EPHB1: variants seen among roughly 807,000 people sequenced by gnomAD.
The protein encoded by EPHB1 is EPH receptor B1.
Under a neutral mutation model 94.4 loss-of-function variants are expected in EPHB1, and 30 were observed. That is an observed-to-expected ratio of 0.32 (90% CI 0.24 to 0.43). EPHB1 has a LOEUF of 0.43. Ranked by LOEUF, EPHB1 falls within the 20% of genes least tolerant of loss-of-function variation. The pLI, the probability that EPHB1 is intolerant of heterozygous loss-of-function variation, is 1.00. For synonymous variants in EPHB1, 522 were observed against 489.1 expected, an observed-to-expected ratio of 1.07 and a Z score of -0.89; for missense variants, 1,055 against 1,308.3, an observed-to-expected ratio of 0.81 and a Z score of 2.99.
chr3:134,998,468 G>A (rs1576304494), intron 3 of EPHB1, among the ~76,000 whole-genome samples: 1 of 152,164 alleles, frequency 6.6e-6, no homozygotes. Context: ...CTCTGTTTTA[G>A]GCAGTAGAGT....
At chr3:135,008,216 A>G (rs567912375) in intron 3 of EPHB1, among the ~76,000 whole-genome samples, 4 of 152,350 alleles carry the variant, frequency 2.6e-5, no homozygotes, top group Admixed American at 2.0e-4. Context: ...ACGTAGATAG[A>G]ATTAAGGAAT....
At chr3:135,242,909 C>G (rs1406112177) in intron 13 of EPHB1, among the ~76,000 whole-genome samples, 1 of 151,900 alleles carries the variant, frequency 6.6e-6, no homozygotes, top group Non-Finnish European at 1.5e-5. Context: ...ACAACTTTGT[C>G]TCTGCTAAAA....
chr3:134,956,285 G>A lies in EPHB1; in HGVS notation c.805+4233G>A, dbSNP rs545191088. On this transcript the variant is annotated intron_variant, in intron 3 of 15. Transcript: ENST00000398015. ...ATCCTAGCTGGAGCACTATGCATAT[G>A]TGGATCTGTTCTTCCCCTGAGTGCT... 2.0e-5 allele frequency among the ~76,000 whole-genome samples: 3 copies of A among 152,220 alleles called. No individual in the cohort carries two copies. The South Asian group carries it at 6.2e-4, about 32-fold the overall frequency.
chr3:135,044,941 C>T (rs1936954848), intron 3 of EPHB1, among the ~76,000 whole-genome samples: 1 of 152,074 alleles, frequency 6.6e-6, no homozygotes, highest in Non-Finnish European at 1.5e-5. Flanking sequence ...TGTTTTCAGG[C>T]ATCTCAGAAT....
intron 4 of EPHB1, among the ~76,000 whole-genome samples, chr3:135,113,679 C>A (rs561649852): frequency 6.6e-5 from 10 of 152,336 alleles, no homozygotes; most frequent in Admixed American, 6.5e-4. Flanking sequence ...TTCCTCACTC[C>A]TGGCCATTGG....
intron 3 of EPHB1, among the ~76,000 whole-genome samples, chr3:135,046,083 T>C (rs1045189214): frequency 6.6e-6 from 1 of 152,230 alleles, no homozygotes; most frequent in East Asian, 1.9e-4. Context: ...GAACCAGGCA[T>C]GAAGAGATTT....
chr3:135,095,542 T>A (rs991608157), intron 3 of EPHB1, among the ~76,000 whole-genome samples: 7 of 152,108 alleles, frequency 4.6e-5, no homozygotes, highest in African/African-American at 1.7e-4. Context: ...AAAATCTGAT[T>A]CTGTTTCTTC....
intron 1 of EPHB1, among the ~76,000 whole-genome samples, chr3:134,863,811 G>A (rs564527793): frequency 2.8e-4 from 43 of 152,320 alleles, no homozygotes; most frequent in African/African-American, 8.4e-4. Context: ...CAGGCCTGCC[G>A]TGCTGGCATC....
At chr3:135,070,860 G>C (rs917290040) in intron 3 of EPHB1, among the ~76,000 whole-genome samples, 1 of 152,170 alleles carries the variant, frequency 6.6e-6, no homozygotes, top group Non-Finnish European at 1.5e-5. Flanking sequence ...GCATAGGAGA[G>C]AAAGCTCTGT....
chr3:134,841,732 A>G (rs2036782447), intron 1 of EPHB1, among the ~76,000 whole-genome samples: 1 of 152,206 alleles, frequency 6.6e-6, no homozygotes, highest in Non-Finnish European at 1.5e-5. Context: ...ACGTGTCCTC[A>G]GTTTCCCTCC....
intron 1 of EPHB1, among the ~76,000 whole-genome samples, chr3:134,879,356 G>C (rs529195321): frequency 6.6e-6 from 1 of 152,174 alleles, no homozygotes; most frequent in African/African-American, 2.4e-5. Flanking sequence ...AAGAATGAAG[G>C]CCGGGCATGG....
intron 3 of EPHB1, among the ~76,000 whole-genome samples, chr3:135,081,328 G>T (rs1384523967): frequency 6.6e-6 from 1 of 152,224 alleles, no homozygotes; most frequent in Non-Finnish European, 1.5e-5. Context: ...AGGGTGGAGG[G>T]TGTTTATGTA....
At chr3:135,078,753 G>T (rs537497380) in intron 3 of EPHB1, among the ~76,000 whole-genome samples, 1 of 152,200 alleles carries the variant, frequency 6.6e-6, no homozygotes, top group Non-Finnish European at 1.5e-5. Context: ...AAAAATTCCA[G>T]TGACAAAGGA....
chr3:135,258,105 CT>C (rs1933492484), intron 15 of EPHB1, among the ~76,000 whole-genome samples: 1 of 152,190 alleles, frequency 6.6e-6, no homozygotes, highest in Admixed American at 6.5e-5. Flanking sequence ...CACCCACTGT[CT>C]GGCACTCCCT....
intron 1 of EPHB1, among the ~76,000 whole-genome samples, chr3:134,916,600 C>G (rs113616248): frequency 4.6e-5 from 7 of 152,198 alleles, no homozygotes; most frequent in South Asian, 2.1e-4. Context: ...GCTGCTGGCC[C>G]GGGTGCTAAG....
intron 1 of EPHB1, among the ~76,000 whole-genome samples, chr3:134,891,018 T>A (rs1171667757): frequency 1.3e-5 from 2 of 152,210 alleles, no homozygotes; most frequent in African/African-American, 4.8e-5. Context: ...TCCTTTCCAA[T>A]TTATACATCT....
intron 9 of EPHB1, among the ~76,000 whole-genome samples, chr3:135,179,502 C>T (rs10512944): frequency 0.12 from 18,093 of 152,166 alleles, 1,497 homozygotes; most frequent in East Asian, 0.23. Context: ...ATTTTACCAC[C>T]ACTTTTCTGC....
intron 3 of EPHB1, among the ~76,000 whole-genome samples, chr3:134,974,135 C>G (rs968578630): frequency 6.6e-6 from 1 of 152,146 alleles, no homozygotes. Context: ...TGACCACACC[C>G]TAGTTCATCT....
chr3:135,173,515 G>T (rs1941879081), intron 9 of EPHB1, among the ~76,000 whole-genome samples: 1 of 152,164 alleles, frequency 6.6e-6, no homozygotes, highest in Non-Finnish European at 1.5e-5. Flanking sequence ...CCTCCCTGAG[G>T]TTCCTGTCCT....
Sources: gnomAD v4.1 joint callset for allele counts (sites outside exome capture counted in the v4.1 genomes callset) on GRCh38, gnomAD v4.1.1 for gene constraint, MANE v1.5 for transcripts, NCBI Gene and HGNC (gene_info 2026-07-23, HGNC 2026-07-21) for gene names.